The following TULP4 variants were observed in gnomAD, a reference collection of about 807,000 sequenced individuals.
TULP4 encodes the protein TUB like protein 4, also known as tubby-related protein 4.
A neutral mutation model predicts 129.0 loss-of-function variants in TULP4; 16 were observed. The observed-to-expected ratio is 0.12, with a 90% CI of 0.08 to 0.19. The LOEUF (loss-of-function observed/expected upper bound fraction) is 0.19, where lower values mean the gene tolerates loss of function less well. Ranked by LOEUF, TULP4 falls within the 10% of genes least tolerant of loss-of-function variation. The pLI is 1.00. For missense variants in TULP4, 1,842 were observed against 2,059.1 expected (o/e 0.89, Z 2.04); for synonymous variants, 998 against 854.0 (o/e 1.17, Z -2.94).
upstream of TULP4, among the ~76,000 whole-genome samples, chr6:158,308,343 C>G (rs1294761624): frequency 6.6e-6 from 1 of 151,952 alleles, no homozygotes; most frequent in South Asian, 2.1e-4. Context: ...AACAGGATCC[C>G]AAGGCCAAAG....
At chr6:158,385,842 C>CTTTTTTTTT (rs778595442) in intron 1 of TULP4, among the ~76,000 whole-genome samples, 870 of 59,538 alleles carry the variant, frequency 0.015, 159 homozygotes, top group Non-Finnish European at 0.019. Flanking sequence ...TGTGGAATAT[C>CTTTTTTTTT]TTTTTTTTTT....
intron 1 of TULP4, among the ~76,000 whole-genome samples, chr6:158,395,449 T>A (rs1234178897): frequency 6.6e-6 from 1 of 151,630 alleles, no homozygotes; most frequent in Non-Finnish European, 1.5e-5. Context: ...GGCATGGTGG[T>A]ACTTGCCTGT....
intron 1 of TULP4, among the ~76,000 whole-genome samples, chr6:158,361,593 A>G (rs1780789696): frequency 6.6e-6 from 1 of 152,214 alleles, no homozygotes; most frequent in Non-Finnish European, 1.5e-5. Flanking sequence ...TTCTCAAATC[A>G]CTTAGCATTT....
chr6:158,439,125 C>T (rs545086938), intron 3 of TULP4, among the ~76,000 whole-genome samples: 50 of 151,692 alleles, frequency 3.3e-4, no homozygotes, highest in Non-Finnish European at 4.1e-4. Flanking sequence ...GAGCCAAGAT[C>T]GCGCCACTGC....
At chr6:158,320,799 A>G (rs1779608504) in intron 1 of TULP4, among the ~76,000 whole-genome samples, 1 of 152,152 alleles carries the variant, frequency 6.6e-6, no homozygotes, top group South Asian at 2.1e-4. Context: ...GTTTTGTTAT[A>G]AGGACACGAC....
chr6:158,502,177 A>G lies in TULP4; in HGVS notation c.2514A>G (p.Pro838=). Residue 838 remains proline, a synonymous_variant, in exon 13 of 14, where the codon CCA becomes CCG. Transcript: ENST00000367097. ...VTKINPPPPY[P]GTIPAAPTTA... is the part of the protein sequence containing the mutation. ...AGATAAACCCTCCACCCCCGTACCC[A>G]GGAACCATCCCCGCTGCCCCCACCA... 7.8e-7 allele frequency: 1 copy of G among 1,276,354 alleles called. No homozygotes were observed. Among genetic ancestry groups the G allele is most frequent in the Non-Finnish European group, 1.0e-6 (1 of 991,416 alleles). The allele number at this position is 1,276,354 out of a possible 1,614,324, so 79.1% of individuals were successfully genotyped here. A position where few individuals can be genotyped will look rare whatever the true frequency, so the allele number is the denominator to read the frequency against.
At chr6:158,261,940 T>C (rs1778359484) in intron 1 of TULP4, among the ~76,000 whole-genome samples, 1 of 152,180 alleles carries the variant, frequency 6.6e-6, no homozygotes, top group Admixed American at 6.5e-5. Flanking sequence ...AGATCTTTCC[T>C]GGAAGCTCCC....
chr6:158,327,667 T>A (rs952327146), intron 1 of TULP4, among the ~76,000 whole-genome samples: 5 of 92,780 alleles, frequency 5.4e-5, no homozygotes, highest in African/African-American at 2.0e-4. Context: ...ATTATGGTTT[T>A]AAACAATTTT....
intron 1 of TULP4, among the ~76,000 whole-genome samples, chr6:158,260,126 C>T (rs1204453828): frequency 2.0e-5 from 3 of 152,152 alleles, no homozygotes; most frequent in Non-Finnish European, 4.4e-5. Context: ...TCTGGAATGG[C>T]CAGCCCATCC....
intron 6 of TULP4, among the ~76,000 whole-genome samples, chr6:158,468,990 C>T (rs558837036): frequency 3.3e-5 from 5 of 152,306 alleles, no homozygotes; most frequent in East Asian, 3.9e-4. Flanking sequence ...ACAAGAATTT[C>T]GGAGGGACAC....
chr6:158,355,621 A>G (rs1323314811), intron 1 of TULP4, among the ~76,000 whole-genome samples: 1 of 152,186 alleles, frequency 6.6e-6, no homozygotes, highest in Non-Finnish European at 1.5e-5. Flanking sequence ...GCAAGAATCT[A>G]GGCAAAAAGG....
At chr6:158,367,088 C>T (rs1468999823) in intron 1 of TULP4, among the ~76,000 whole-genome samples, 13 of 152,040 alleles carry the variant, frequency 8.6e-5, no homozygotes, top group Admixed American at 8.5e-4. Flanking sequence ...GCTTTGGGTC[C>T]TGTTGGCTCC....
In TULP4 at chr6:158,502,538, C is replaced by T; in HGVS notation, c.2875C>T (p.Pro959Ser). 6.2e-7 allele frequency: 1 copy of T among 1,609,914 alleles called. No homozygotes were observed. Among genetic ancestry groups the T allele is most frequent in the Non-Finnish European group, 8.5e-7 (1 of 1,179,942 alleles). ...CTACTCCATCCCCACCGGGGACCCA[C>T]CCCCGTATCCTGAAATTGCCAGCCA... is the stretch of plus-strand genomic sequence containing the variant. ...PRYSIPTGDP[P>S]PYPEIASQLA... The change falls in exon 13 of 14, where the codon CCC becomes TCC. Residue 959 changes from proline to serine, a missense_variant. Transcript: ENST00000367097.
intron 1 of TULP4, among the ~76,000 whole-genome samples, chr6:158,357,049 G>A (rs1435532488): frequency 1.3e-5 from 2 of 152,314 alleles, no homozygotes; most frequent in South Asian, 4.1e-4. Flanking sequence ...CTGACTAGGA[G>A]GCTTCAGGAT....
chr6:158,275,589 C>A (rs1359931642), intron 1 of TULP4, among the ~76,000 whole-genome samples: 1 of 152,142 alleles, frequency 6.6e-6, no homozygotes, highest in African/African-American at 2.4e-5. Flanking sequence ...TGTCACTGTC[C>A]CTAGAGATTC....
At chr6:158,483,874 T>C (rs1198541342) in intron 8 of TULP4, among the ~76,000 whole-genome samples, 1 of 151,946 alleles carries the variant, frequency 6.6e-6, no homozygotes, top group Non-Finnish European at 1.5e-5. Context: ...GATATGTTCC[T>C]CAAAATCACC....
Position 158,502,849 on chromosome 6 carries a change from G to A in TULP4, c.3186G>A (p.Leu1062=). Reference sequence around the variant, plus strand: ...CCCATACCGCCAGCGCCTCCCCGTTGGCCTCCCAGTCCTCCTACAGCCTCC... The same window carrying A: ...CCCATACCGCCAGCGCCTCCCCGTTAGCCTCCCAGTCCTCCTACAGCCTCC... ...SLAHTASASP[L]ASQSSYSLLS... Residue 1062 remains leucine (L), a synonymous_variant, in exon 13 of 14, where the codon TTG becomes TTA. Transcript: ENST00000367097. 1 of 1,613,584 alleles carries A rather than the reference G, an allele frequency of 6.2e-7. No individual in the cohort carries two copies. Among genetic ancestry groups the A allele is most frequent in the South Asian group, 1.1e-5 (1 of 91,068 alleles).
chr6:158,393,221 A>C (rs1160067625), intron 1 of TULP4, among the ~76,000 whole-genome samples: 1 of 152,174 alleles, frequency 6.6e-6, no homozygotes, highest in African/African-American at 2.4e-5. Flanking sequence ...GTGGGCTCCC[A>C]AGGCTTTGGG....
At chr6:158,492,316 A>G (rs2128256646) in intron 9 of TULP4, among the ~76,000 whole-genome samples, 2 of 152,292 alleles carry the variant, frequency 1.3e-5, no homozygotes, top group Admixed American at 1.3e-4. Flanking sequence ...GTTCTCTTCC[A>G]GCAGCTTTCT....
Sources: gnomAD v4.1 joint callset for allele counts (sites outside exome capture counted in the v4.1 genomes callset) on GRCh38, gnomAD v4.1.1 for gene constraint, MANE v1.5 for transcripts, NCBI Gene and HGNC (gene_info 2026-07-23, HGNC 2026-07-21) for gene names.